The following DPYSL2 variants were observed in gnomAD, a reference collection of about 807,000 sequenced individuals.
The protein encoded by DPYSL2 is dihydropyrimidinase like 2.
In DPYSL2, 13 loss-of-function variants were observed where a neutral mutation model predicts 69.9. The observed-to-expected ratio is 0.19, with a 90% CI of 0.12 to 0.30. The LOEUF is 0.30. Ranked by LOEUF, DPYSL2 falls within the 10% of genes least tolerant of loss-of-function variation. DPYSL2 has a pLI of 1.00. For synonymous variants in DPYSL2, 326 were observed against 359.1 expected (o/e 0.91, Z 1.04); for missense variants, 587 against 918.9 (o/e 0.64, Z 4.67).
intron 3 of DPYSL2, among the ~76,000 whole-genome samples, chr8:26,622,605 C>T (rs548057167): frequency 6.6e-6 from 1 of 151,962 alleles, no homozygotes; most frequent in Non-Finnish European, 1.5e-5. Context: ...CGGGCTCAAG[C>T]AATTCTCCTG....
At chr8:26,576,435 G>A (rs1344316068) in intron 1 of DPYSL2, among the ~76,000 whole-genome samples, 5 of 150,840 alleles carry the variant, frequency 3.3e-5, no homozygotes, top group Non-Finnish European at 1.5e-5. Context: ...AGAGAAGCCC[G>A]AGCGCTACGA....
chr8:26,516,673 G>T lies in DPYSL2; in HGVS notation c.354+1994G>T, dbSNP rs1044493445. Among the ~76,000 whole-genome samples the T allele has an allele frequency of 6.6e-6, 1 of 152,078 alleles. No homozygotes were observed. Among genetic ancestry groups the T allele is most frequent in the African/African-American group, 2.4e-5 (1 of 41,392 alleles). On this transcript the variant is annotated intron_variant, in intron 1 of 13. Transcript: ENST00000521913. The surrounding 1 kb of genome is among the most constrained non-coding windows in gnomAD (Gnocchi z 4.8). The stretch of plus-strand genomic sequence containing the variant: ...AGAAAATACTCAAACAAACTGCAAG[G>T]GAGTTTTAGATTGCAATTCACATTG...
rs1803207922 is a variant in DPYSL2, at chr8:26,648,000, CAT to C, written c.1596+202_1596+203del. Among the ~76,000 whole-genome samples, 1 of 152,166 alleles carries C rather than the reference CAT, an allele frequency of 6.6e-6. No homozygotes were observed. The highest frequency in any genetic ancestry group is 1.5e-5 in the Non-Finnish European group (1 of 68,034). On this transcript the variant is annotated intron_variant, in intron 11 of 13. Transcript: ENST00000521913. The surrounding 1 kb of genome is among the most constrained non-coding windows in gnomAD (Gnocchi z 5.1). ...GTGAGGTCAATAAGATTGTTACTCT[CAT>C]AATCATTTTGGAATACCACAGCCTC...
intron 7 of DPYSL2, among the ~76,000 whole-genome samples, chr8:26,628,201 G>A (rs1308078223): frequency 6.6e-6 from 1 of 152,248 alleles, no homozygotes; most frequent in Admixed American, 6.5e-5. Context: ...GCCCTTGCTT[G>A]TATAGACACA....
Position 26,586,242 on chromosome 8 carries a change from A to C in DPYSL2, c.628+2259A>C, listed in dbSNP as rs759022631. On this transcript the variant is annotated intron_variant, in intron 3 of 13. Coordinates refer to ENST00000521913, the MANE Select transcript of DPYSL2 (RefSeq NM_001197293.3). The surrounding 1 kb of genome is among the most constrained non-coding windows in gnomAD (Gnocchi z 4.7). ...CTGACTTGCCGTGTGACCTTGAGTC[A>C]CTACCCTACTCTGTGTTCTAGCTGT... Among the ~76,000 whole-genome samples, 8 of 152,174 alleles carry C rather than the reference A, an allele frequency of 5.3e-5. No homozygotes were observed. The highest frequency in any genetic ancestry group is 8.8e-5 in the Non-Finnish European group (6 of 68,036).
intron 7 of DPYSL2, among the ~76,000 whole-genome samples, chr8:26,632,882 AAG>A (rs1802811975): frequency 6.6e-6 from 1 of 152,242 alleles, no homozygotes; most frequent in African/African-American, 2.4e-5. Context: ...ATGCTTTTTC[AAG>A]AGCCCTTTGC....
Position 26,604,694 on chromosome 8 carries a change from C to A in DPYSL2, c.629-19449C>A, listed in dbSNP as rs190988411. ...TTGAGACAAGAGTCTTGCTCTGTCACGTAGGCTGGAGTGCATTGGTGCTAT... is the reference window on the plus strand; with the variant it reads ...TTGAGACAAGAGTCTTGCTCTGTCAAGTAGGCTGGAGTGCATTGGTGCTAT... On this transcript the variant is annotated intron_variant, in intron 3 of 13. Coordinates refer to ENST00000521913, the MANE Select transcript of DPYSL2 (RefSeq NM_001197293.3). Among the ~76,000 whole-genome samples, 439 of 151,938 alleles carry A rather than the reference C, an allele frequency of 2.9e-3. 3 individuals are homozygous for A. The highest frequency in any genetic ancestry group is 0.01 in the African/African-American group (420 of 41,436).
chr8:26,607,934 G>A (rs62491953), intron 3 of DPYSL2, among the ~76,000 whole-genome samples: 2,071 of 151,910 alleles, frequency 0.014, 24 homozygotes, highest in Middle Eastern at 0.068. Context: ...AAAATTAGCC[G>A]GGCATAGTGG....
rs12544164 is a variant in DPYSL2 at position 26,562,584 on chromosome 8, A to T, written c.355-19385A>T. The stretch of plus-strand genomic sequence containing the variant: ...AATGGTTTCGTTTTAAAGACAGAAT[A>T]AAATCCGAATCTGTTTCCATGGCCC... On this transcript the variant is annotated intron_variant, in intron 1 of 13. Transcript: ENST00000521913. This position sits in a 1 kb window ranked among gnomAD's most constrained non-coding sequence, Gnocchi z 4.9. Among the ~76,000 whole-genome samples, 53,113 of 152,114 alleles carry T rather than the reference A, an allele frequency of 0.35. 11,466 individuals carry two copies. Among genetic ancestry groups the T allele is most frequent in the East Asian group, 0.66 (3,429 of 5,168 alleles).
At chr8:26,594,972 G>T (rs1405169985) in intron 3 of DPYSL2, among the ~76,000 whole-genome samples, 2 of 152,092 alleles carry the variant, frequency 1.3e-5, no homozygotes, top group African/African-American at 2.4e-5. Flanking sequence ...ACTTGAAGGC[G>T]CCAGGAGTTC....
intron 1 of DPYSL2, among the ~76,000 whole-genome samples, chr8:26,574,970 G>C (rs983712241): frequency 6.6e-6 from 1 of 152,152 alleles, no homozygotes; most frequent in African/African-American, 2.4e-5. Context: ...TTTCGCTCTT[G>C]TTGCCCAGGC....
At chr8:26,611,075 T>C (rs1802215395) in intron 3 of DPYSL2, among the ~76,000 whole-genome samples, 1 of 152,186 alleles carries the variant, frequency 6.6e-6, no homozygotes, top group Admixed American at 6.5e-5. Flanking sequence ...ATGGGGAAAC[T>C]GAGGCACTGA....
At chr8:26,625,650 C>A (rs1328527842) in intron 4 of DPYSL2, among the ~76,000 whole-genome samples, 2 of 152,160 alleles carry the variant, frequency 1.3e-5, no homozygotes, top group Non-Finnish European at 2.9e-5. Context: ...ACTAATGGAC[C>A]TTTTCTTACT....
Position 26,588,205 on chromosome 8 carries a change from G to A in DPYSL2, c.628+4222G>A, listed in dbSNP as rs568195759. Among the ~76,000 whole-genome samples the A allele has an allele frequency of 5.3e-5, 8 of 152,216 alleles. No homozygotes were observed. Among genetic ancestry groups the A allele is most frequent in the African/African-American group, 9.6e-5 (4 of 41,460 alleles). On this transcript the variant is annotated intron_variant, in intron 3 of 13. Transcript: ENST00000521913. This position sits in a 1 kb window ranked among gnomAD's most constrained non-coding sequence, Gnocchi z 5.4. ...GAGCTCTACTCTCCCCCGCATGGCC[G>A]GAGAAACAGGCTGAGCTGCCGTAGG... is the stretch of plus-strand genomic sequence containing the variant.
At position 26,641,792 on chromosome 8, in the gene DPYSL2, T is replaced by C. The variant is rs1035713867; in HGVS notation, c.1127-1647T>C. ...GGTGGGGGCGTGGTTGCTGGTGGCC[T>C]GGAGTGAGCTGCCTGCTGTGGCCTC... On this transcript the variant is annotated intron_variant, in intron 8 of 13. Coordinates refer to ENST00000521913, the MANE Select transcript of DPYSL2 (RefSeq NM_001197293.3). The surrounding 1 kb of genome is among the most constrained non-coding windows in gnomAD (Gnocchi z 4.1). 6.6e-6 allele frequency among the ~76,000 whole-genome samples: 1 copy of C among 152,170 alleles called. No homozygotes were observed. The highest frequency in any genetic ancestry group is 1.5e-5 in the Non-Finnish European group (1 of 68,030).
Position 26,621,332 on chromosome 8 carries a change from C to T in DPYSL2, c.629-2811C>T, listed in dbSNP as rs1026930666. On this transcript the variant is annotated intron_variant, in intron 3 of 13. Transcript: ENST00000521913. This position sits in a 1 kb window ranked among gnomAD's most constrained non-coding sequence, Gnocchi z 4.9. ...AAAAAAATTATTATTTCTGCTCATTCCCTTTGCTGGCCAGTGAAAGGAATG... is the reference window on the plus strand; with the variant it reads ...AAAAAAATTATTATTTCTGCTCATTTCCTTTGCTGGCCAGTGAAAGGAATG... Among the ~76,000 whole-genome samples the T allele has an allele frequency of 3.9e-5, 6 of 152,106 alleles. No homozygotes were observed. The highest frequency in any genetic ancestry group is 1.2e-4 in the African/African-American group (5 of 41,406).
intron 1 of DPYSL2, among the ~76,000 whole-genome samples, chr8:26,572,526 A>G (rs560450975): frequency 6.6e-6 from 1 of 152,080 alleles, no homozygotes; most frequent in African/African-American, 2.4e-5. Flanking sequence ...TTGAGAAGGA[A>G]TCTCGCCCTT....
intron 8 of DPYSL2, among the ~76,000 whole-genome samples, chr8:26,635,959 C>T (rs1301772759): frequency 6.6e-6 from 1 of 152,080 alleles, no homozygotes; most frequent in Non-Finnish European, 1.5e-5. Context: ...TTTTCACTGG[C>T]GGGTGACTTG....
chr8:26,577,720 G>C, intron 1 of DPYSL2: 1 of 814,332 alleles, frequency 1.2e-6, no homozygotes, highest in Non-Finnish European at 1.5e-6. Flanking sequence ...GCGCGCGAAA[G>C]GCGCGCTCCC....
Sources: allele counts gnomAD v4.1 joint callset (sites outside exome capture counted in the v4.1 genomes callset), GRCh38; gene constraint gnomAD v4.1.1; non-coding constraint Gnocchi (gnomAD v3.1); transcripts MANE v1.5; gene names NCBI Gene and HGNC (gene_info 2026-07-23, HGNC 2026-07-21).